LCORL: variants seen among roughly 807,000 people sequenced by gnomAD.
LCORL encodes the protein ligand dependent nuclear receptor corepressor like, also known as ligand-dependent nuclear receptor corepressor-like protein.
In LCORL, 41 loss-of-function variants were observed where a neutral mutation model predicts 141.8. That is an observed-to-expected ratio of 0.29 (90% CI 0.23 to 0.38). LCORL has a LOEUF of 0.38. LCORL is among the 10% of genes least tolerant of loss of function. The probability of loss-of-function intolerance (pLI) is 1.00; values close to 1 mark genes in which losing one functional copy is unlikely to be tolerated. For missense variants in LCORL, 1,759 were observed against 2,035.0 expected, an observed-to-expected ratio of 0.86 and a Z score of 2.61; for synonymous variants, 618 against 694.1, an observed-to-expected ratio of 0.89 and a Z score of 1.72.
intron 1 of LCORL, among the ~76,000 whole-genome samples, chr4:18,015,888 T>C (rs1724555778): frequency 6.6e-6 from 1 of 151,160 alleles, no homozygotes; most frequent in Admixed American, 6.6e-5. Flanking sequence ...GAGCTAAAAA[T>C]AATTTATTGT....
intron 2 of LCORL, among the ~76,000 whole-genome samples, chr4:17,965,454 ATCTC>A (rs914522659): frequency 1.1e-4 from 17 of 152,278 alleles, no homozygotes; most frequent in Non-Finnish European, 2.1e-4. Context: ...AAAAGATGTT[ATCTC>A]TCTTTTTGAA....
chr4:17,982,978 C>T (rs1718287512), intron 1 of LCORL, among the ~76,000 whole-genome samples: 1 of 152,188 alleles, frequency 6.6e-6, no homozygotes, highest in African/African-American at 2.4e-5. Flanking sequence ...CAATTTTCTG[C>T]ACATGACTAG....
chr4:17,912,764 C>A, intron 4 of LCORL: 2 of 417,126 alleles, frequency 4.8e-6, no homozygotes, highest in Non-Finnish European at 9.4e-6. Flanking sequence ...GGCAAAGAGG[C>A]AGCACCAGGC....
At chr4:17,879,394 T>G (rs986439502) in intron 6 of LCORL, among the ~76,000 whole-genome samples, 1 of 151,058 alleles carries the variant, frequency 6.6e-6, no homozygotes, top group African/African-American at 2.4e-5. Flanking sequence ...AAGATAACTT[T>G]ACTAGATTCA....
At chr4:17,943,537 G>A (rs1244929832) in intron 4 of LCORL, among the ~76,000 whole-genome samples, 4 of 152,168 alleles carry the variant, frequency 2.6e-5, no homozygotes, top group African/African-American at 9.7e-5. Context: ...TGAGTTAGCT[G>A]GTTCAAAGGC....
intron 1 of LCORL, among the ~76,000 whole-genome samples, chr4:17,993,568 A>G (rs2109788215): frequency 1.3e-5 from 2 of 152,308 alleles, no homozygotes; most frequent in Middle Eastern, 6.8e-3. Context: ...AAAGAATGTG[A>G]TATGAAAGGA....
chr4:17,957,432 G>T (rs1289015720), intron 4 of LCORL, among the ~76,000 whole-genome samples: 1 of 151,974 alleles, frequency 6.6e-6, no homozygotes, highest in Non-Finnish European at 1.5e-5. Context: ...AGAAGAGACT[G>T]AGGGATTCTG....
intron 5 of LCORL, among the ~76,000 whole-genome samples, chr4:17,897,838 C>G (rs1010685850): frequency 6.6e-6 from 1 of 152,134 alleles, no homozygotes; most frequent in African/African-American, 2.4e-5. Context: ...ATTTCCTAGT[C>G]CAAACCTGAA....
At chr4:17,958,948 T>A (rs189823066) in intron 4 of LCORL, among the ~76,000 whole-genome samples, 26 of 152,138 alleles carry the variant, frequency 1.7e-4, no homozygotes, top group Admixed American at 1.7e-3. Flanking sequence ...ATTTCTAAAG[T>A]AAAGAATATA....
intron 4 of LCORL, among the ~76,000 whole-genome samples, chr4:17,939,852 AAC>A (rs1737540103): frequency 6.7e-6 from 1 of 150,306 alleles, no homozygotes; most frequent in South Asian, 2.1e-4. Context: ...GAAAAAAATA[AAC>A]CTGGGGAAAA....
chr4:17,994,562 C>T (rs1165493147), intron 1 of LCORL, among the ~76,000 whole-genome samples: 2 of 152,168 alleles, frequency 1.3e-5, no homozygotes, highest in Non-Finnish European at 2.9e-5. Context: ...TTAATTGTTA[C>T]ATGCTTTAAA....
chr4:17,849,245 C>T (rs1723329603), intron 7 of LCORL, among the ~76,000 whole-genome samples: 1 of 152,224 alleles, frequency 6.6e-6, no homozygotes, highest in Non-Finnish European at 1.5e-5. Flanking sequence ...GGGTCCCTGA[C>T]CCCCGAGCAG....
chr4:17,980,461 C>G (rs1449046517), intron 1 of LCORL, among the ~76,000 whole-genome samples: 3 of 152,152 alleles, frequency 2.0e-5, no homozygotes, highest in Non-Finnish European at 4.4e-5. Context: ...TTTGGACAGG[C>G]TATTGCCCTA....
At chr4:18,009,897 C>T (rs1388552656) in intron 1 of LCORL, among the ~76,000 whole-genome samples, 3 of 152,136 alleles carry the variant, frequency 2.0e-5, no homozygotes, top group African/African-American at 4.8e-5. Flanking sequence ...TCTTACATGA[C>T]GATGTGGCTC....
At chr4:17,947,869 T>C (rs1739134648) in intron 4 of LCORL, among the ~76,000 whole-genome samples, 1 of 151,972 alleles carries the variant, frequency 6.6e-6, no homozygotes, top group Non-Finnish European at 1.5e-5. Flanking sequence ...ATACAATGTG[T>C]TACAGGAAAT....
intron 1 of LCORL, among the ~76,000 whole-genome samples, chr4:17,991,507 T>C (rs1187044848): frequency 6.6e-6 from 1 of 152,200 alleles, no homozygotes; most frequent in Non-Finnish European, 1.5e-5. Context: ...ACATTCCAAG[T>C]TGGAATATTT....
intron 5 of LCORL, among the ~76,000 whole-genome samples, chr4:17,902,237 C>G (rs906622836): frequency 6.6e-6 from 1 of 151,920 alleles, no homozygotes; most frequent in African/African-American, 2.4e-5. Context: ...CAATATGAAG[C>G]CATTAAAGGA....
At chr4:17,864,965 T>C (rs1725468555) in intron 7 of LCORL, among the ~76,000 whole-genome samples, 1 of 152,162 alleles carries the variant, frequency 6.6e-6, no homozygotes, top group Admixed American at 6.5e-5. Context: ...CAATTCTAAA[T>C]GCATATGCAA....
intron 6 of LCORL, chr4:17,883,398 G>A (rs1577321705): frequency 2.9e-5 from 31 of 1,063,516 alleles, no homozygotes; most frequent in Non-Finnish European, 3.3e-5. Context: ...ACAATTACTC[G>A]TTTTCCCACA....
Sources: gnomAD v4.1 joint callset for allele counts (sites outside exome capture counted in the v4.1 genomes callset) on GRCh38, gnomAD v4.1.1 for gene constraint, MANE v1.5 for transcripts, NCBI Gene and HGNC (gene_info 2026-07-23, HGNC 2026-07-21) for gene names.